The following RPH3AL variants were observed in gnomAD, a reference collection of about 807,000 sequenced individuals.
RPH3AL encodes rab effector Noc2.
RPH3AL carries 38 observed loss-of-function variants against 43.1 expected under a neutral mutation model. The ratio of observed to expected loss-of-function variants is 0.88; its 90% CI spans 0.68 to 1.15. RPH3AL has a LOEUF of 1.15. RPH3AL is among the 50% of genes most tolerant of loss of function. The pLI is 0.00. For synonymous variants in RPH3AL, 189 were observed against 176.3 expected, an observed-to-expected ratio of 1.07 and a Z score of -0.57; for missense variants, 462 against 423.2, an observed-to-expected ratio of 1.09 and a Z score of -0.81.
chr17:236,199 C>G (rs1254139874), intron 7 of RPH3AL, among the ~76,000 whole-genome samples: 1 of 152,230 alleles, frequency 6.6e-6, no homozygotes, highest in Non-Finnish European at 1.5e-5. Flanking sequence ...TCCTGACCCA[C>G]AGGACCCCCA....
chr17:315,085 T>C (rs1256628149), intron 5 of RPH3AL, among the ~76,000 whole-genome samples: 1 of 148,018 alleles, frequency 6.8e-6, no homozygotes, highest in Non-Finnish European at 1.5e-5. Context: ...CCACCTCCAC[T>C]GAATTGTAGT....
At chr17:277,748 G>C (rs1361685821) in intron 6 of RPH3AL, among the ~76,000 whole-genome samples, 1 of 152,104 alleles carries the variant, frequency 6.6e-6, no homozygotes, top group Non-Finnish European at 1.5e-5. Context: ...TTGAGCTCAG[G>C]AGTTTGAGAC....
chr17:238,471 C>T (rs1290506482), intron 7 of RPH3AL, among the ~76,000 whole-genome samples: 1 of 152,212 alleles, frequency 6.6e-6, no homozygotes, highest in African/African-American at 2.4e-5. Flanking sequence ...AGGCAGAGAA[C>T]AACGTCCACC....
intron 4 of RPH3AL, 80 bp downstream of exon 4, chr17:321,192 A>G (rs2044460130): frequency 1.3e-6 from 2 of 1,504,912 alleles, no homozygotes; most frequent in African/African-American, 2.8e-5. Context: ...CAGGACCCGG[A>G]GTGCCGGCCT....
chr17:232,544 G>A (rs1285745489), intron 7 of RPH3AL, among the ~76,000 whole-genome samples: 5 of 152,174 alleles, frequency 3.3e-5, no homozygotes, highest in Non-Finnish European at 5.9e-5. Flanking sequence ...CTCTCCCAGC[G>A]GGACCCACGG....
intron 7 of RPH3AL, among the ~76,000 whole-genome samples, chr17:231,638 C>T (rs942233713): frequency 3.9e-5 from 6 of 152,324 alleles, no homozygotes; most frequent in African/African-American, 7.2e-5. Flanking sequence ...CTTCACTGCA[C>T]GAGGCAGAGG....
At chr17:220,224 AAAACAACAGCTCT>A (rs2040929605) in intron 7 of RPH3AL, among the ~76,000 whole-genome samples, 4 of 150,212 alleles carry the variant, frequency 2.7e-5, no homozygotes, top group Non-Finnish European at 6.0e-5. Context: ...AATAGACCCA[AAAACAACAGCTCT>A]GAGGCCTCCA....
intron 7 of RPH3AL, among the ~76,000 whole-genome samples, chr17:235,801 T>C (rs71369970): frequency 0.11 from 5,729 of 52,290 alleles, no homozygotes; most frequent in Middle Eastern, 0.17. Flanking sequence ...AGATGGATCC[T>C]GGGTTCAAAG....
intron 7 of RPH3AL, among the ~76,000 whole-genome samples, chr17:240,566 C>A (rs1323995889): frequency 6.6e-6 from 1 of 152,148 alleles, no homozygotes; most frequent in Non-Finnish European, 1.5e-5. Context: ...CTTTCGTCTC[C>A]GGCTTCTTCC....
At chr17:310,772 T>C (rs1444604347) in intron 5 of RPH3AL, among the ~76,000 whole-genome samples, 3 of 152,088 alleles carry the variant, frequency 2.0e-5, no homozygotes, top group Non-Finnish European at 4.4e-5. Context: ...GTGCGATAAA[T>C]ATTTGTGGGA....
At chr17:243,513 C>G (rs1407099985) in intron 7 of RPH3AL, among the ~76,000 whole-genome samples, 1 of 144,658 alleles carries the variant, frequency 6.9e-6, no homozygotes, top group East Asian at 2.0e-4. Context: ...TGATTACCTT[C>G]CTCTATTGAT....
chr17:345,841 G>T (rs4985597), intron 1 of RPH3AL, among the ~76,000 whole-genome samples: 1 of 133,334 alleles, frequency 7.5e-6, no homozygotes, highest in Non-Finnish European at 1.7e-5. Context: ...CCATCTGCCC[G>T]CACACCCTGC....
intron 1 of RPH3AL, chr17:341,054 T>C (rs865781148): frequency 2.8e-4 from 14 of 49,522 alleles, no homozygotes; most frequent in African/African-American, 1.2e-3. Context: ...TCACTGCCCC[T>C]GCCCAGGTCT....
intron 6 of RPH3AL, among the ~76,000 whole-genome samples, chr17:279,349 G>C (rs1342251064): frequency 6.6e-6 from 1 of 152,118 alleles, no homozygotes; most frequent in Non-Finnish European, 1.5e-5. Flanking sequence ...CATATGCCTG[G>C]TGCTGCAGAG....
intron 6 of RPH3AL, among the ~76,000 whole-genome samples, chr17:268,022 A>C (rs1201978139): frequency 6.6e-6 from 1 of 152,198 alleles, no homozygotes; most frequent in Non-Finnish European, 1.5e-5. Flanking sequence ...CTCAGAGGTA[A>C]CCACCATCTG....
chr17:344,513 C>T (rs2045200167), intron 1 of RPH3AL, among the ~76,000 whole-genome samples: 1 of 131,960 alleles, frequency 7.6e-6, no homozygotes, highest in African/African-American at 2.6e-5. Flanking sequence ...TCACCACCAC[C>T]ATCATCACTA....
chr17:244,141 T>C lies in RPH3AL; in HGVS notation c.613+2970A>G, dbSNP rs62056566. The stretch of plus-strand genomic sequence containing the variant: ...TTGATTACCCTTCCTCTATTGATTA[T>C]CTTCCTCTATTGATTACCCTTCCTC... On this transcript the variant is annotated intron_variant, in intron 7 of 9. Coordinates refer to ENST00000331302, the MANE Select transcript of RPH3AL (RefSeq NM_006987.4). Among the ~76,000 whole-genome samples, 85 of 142,470 alleles carry C rather than the reference T, an allele frequency of 6.0e-4. No individual in the cohort carries two copies. In the South Asian group the frequency reaches 0.019, roughly 31 times the overall value. 93.5% of individuals were successfully genotyped at this position (142,470 alleles called of 152,430 possible). A position where few individuals can be genotyped will look rare whatever the true frequency, so the allele number is the denominator to read the frequency against.
intron 6 of RPH3AL, among the ~76,000 whole-genome samples, chr17:273,635 G>A (rs918798652): frequency 5.3e-5 from 8 of 151,058 alleles, no homozygotes; most frequent in African/African-American, 1.9e-4. Context: ...GGGCGACGTC[G>A]GGGATATCCA....
chr17:336,361 C>T (rs79235952), intron 1 of RPH3AL, among the ~76,000 whole-genome samples: 2,215 of 152,226 alleles, frequency 0.015, 55 homozygotes, highest in African/African-American at 0.052. Flanking sequence ...CACTCGGAAG[C>T]GTTGCAGGCT....
Sources: gnomAD v4.1 joint callset for allele counts (sites outside exome capture counted in the v4.1 genomes callset) on GRCh38, gnomAD v4.1.1 for gene constraint, MANE v1.5 for transcripts, NCBI Gene and HGNC (gene_info 2026-07-23, HGNC 2026-07-21) for gene names.